Variants in PPARGC1A observed in about 807,000 individuals in gnomAD.
PPARGC1A encodes peroxisome proliferator-activated receptor gamma coactivator 1-alpha.
PPARGC1A carries 25 observed loss-of-function variants against 88.7 expected under a neutral mutation model. That is an observed-to-expected ratio of 0.28 (90% CI 0.21 to 0.39). The LOEUF is 0.39. PPARGC1A is among the 10% of genes least tolerant of loss of function. The pLI is 1.00. For missense variants in PPARGC1A, 880 were observed against 968.7 expected (o/e 0.91, Z 1.22); for synonymous variants, 363 against 355.6 (o/e 1.02, Z -0.24).
At chr4:24,325,677 T>C in the PPARGC1A span, among the ~76,000 whole-genome samples, 2 of 152,218 alleles carry the variant, frequency 1.3e-5, no homozygotes, top group African/African-American at 2.4e-5. Flanking sequence ...GGCTGAAGAC[T>C]GACGCTGCCC....
At chr4:24,345,766 C>T in the PPARGC1A span, among the ~76,000 whole-genome samples, 3 of 152,188 alleles carry the variant, frequency 2.0e-5, no homozygotes, top group African/African-American at 7.2e-5. Flanking sequence ...TTCGGATGTC[C>T]TTTATTTCTT....
upstream of PPARGC1A, among the ~76,000 whole-genome samples, chr4:23,907,615 AC>A (rs1720202603): frequency 6.6e-6 from 1 of 152,198 alleles, no homozygotes; most frequent in Non-Finnish European, 1.5e-5. Flanking sequence ...TGGGGATAAT[AC>A]CTACCTCACA....
chr4:24,272,457 C>G, the PPARGC1A span, among the ~76,000 whole-genome samples: 1 of 152,124 alleles, frequency 6.6e-6, no homozygotes, highest in Non-Finnish European at 1.5e-5. Context: ...GTCATACCCC[C>G]CTGACTTACC....
the PPARGC1A span, among the ~76,000 whole-genome samples, chr4:24,170,412 C>T: frequency 6.6e-6 from 1 of 152,080 alleles, no homozygotes; most frequent in Admixed American, 6.6e-5. Flanking sequence ...ATTTTCCCTC[C>T]TACCTATATA....
At chr4:23,914,335 T>C in the PPARGC1A span, among the ~76,000 whole-genome samples, 1 of 152,236 alleles carries the variant, frequency 6.6e-6, no homozygotes, top group East Asian at 1.9e-4. Context: ...TACATTCACA[T>C]ACTGCCTTTT....
At chr4:24,196,850 T>A in the PPARGC1A span, among the ~76,000 whole-genome samples, 3 of 152,240 alleles carry the variant, frequency 2.0e-5, no homozygotes, top group Non-Finnish European at 4.4e-5. Flanking sequence ...GAAGGATTTA[T>A]CCTACAACAT....
chr4:24,391,168 G>A, the PPARGC1A span, among the ~76,000 whole-genome samples: 1 of 151,980 alleles, frequency 6.6e-6, no homozygotes, highest in Non-Finnish European at 1.5e-5. Context: ...ATTGTATTTT[G>A]AAATCATTTT....
At chr4:24,075,235 C>T in the PPARGC1A span, among the ~76,000 whole-genome samples, 1 of 152,126 alleles carries the variant, frequency 6.6e-6, no homozygotes, top group Non-Finnish European at 1.5e-5. Flanking sequence ...ACATGGGTTT[C>T]AAATGGTAGA....
rs2109295935 is a variant in PPARGC1A at position 23,795,172 on chromosome 4, C to A, written c.*650G>T. On this transcript the variant is annotated 3_prime_UTR_variant, in exon 13 of 13. Transcript: ENST00000264867. ...GAAAGCTTGCTTCAAGTTGATTCTGCACTTTCTTAAAAAAACAGAGTACAA... is the reference window on the plus strand; with the variant it reads ...GAAAGCTTGCTTCAAGTTGATTCTGAACTTTCTTAAAAAAACAGAGTACAA... 1 of 151,580 alleles carries A rather than the reference C, an allele frequency of 6.6e-6. No homozygotes were observed. The highest frequency in any genetic ancestry group is 2.1e-4 in the South Asian group (1 of 4,768). 9.4% of individuals were successfully genotyped at this position (151,580 alleles called of 1,614,324 possible).
chr4:23,827,921 C>G (rs995704010), intron 5 of PPARGC1A, among the ~76,000 whole-genome samples: 6 of 151,948 alleles, frequency 3.9e-5, no homozygotes, highest in Non-Finnish European at 5.9e-5. Flanking sequence ...GAAGAAAGAA[C>G]AAGAAGAATT....
chr4:23,979,912 CCTCT>C, the PPARGC1A span, among the ~76,000 whole-genome samples: 1 of 152,076 alleles, frequency 6.6e-6, no homozygotes, highest in African/African-American at 2.4e-5. Flanking sequence ...GAGAACCATC[CCTCT>C]CTCTATGAAC....
At chr4:24,389,197 G>C in the PPARGC1A span, among the ~76,000 whole-genome samples, 5 of 152,012 alleles carry the variant, frequency 3.3e-5, no homozygotes, top group Non-Finnish European at 5.9e-5. Flanking sequence ...CTACCCCTGA[G>C]GTAGAGTTGG....
chr4:24,096,226 T>C, the PPARGC1A span, among the ~76,000 whole-genome samples: 1 of 152,316 alleles, frequency 6.6e-6, no homozygotes, highest in Non-Finnish European at 1.5e-5. Context: ...TCCACCATGA[T>C]TATAAATTTC....
chr4:24,370,239 TA>T, the PPARGC1A span, among the ~76,000 whole-genome samples: 5 of 151,910 alleles, frequency 3.3e-5, no homozygotes, highest in African/African-American at 9.6e-5. Context: ...TTCCAGAGGT[TA>T]AAAAAAAGTG....
chr4:24,256,996 T>C, the PPARGC1A span, among the ~76,000 whole-genome samples: 2 of 152,182 alleles, frequency 1.3e-5, no homozygotes, highest in African/African-American at 4.8e-5. Context: ...AAAAGACCAC[T>C]GTAGGGAGAT....
Position 23,793,652 on chromosome 4 carries a change from T to TA in PPARGC1A, c.*2169dup, listed in dbSNP as rs1468697155. 6.6e-6 allele frequency: 1 copy of TA among 152,164 alleles called. No homozygotes were observed. Among genetic ancestry groups the TA allele is most frequent in the African/African-American group, 2.4e-5 (1 of 41,446 alleles). The allele number at this position is 152,164 out of a possible 1,614,324, so 9.4% of individuals were successfully genotyped here. ...AAACTTGAATACACACTCCAAATGT[T>TA]ACTGAATTCCATTCCAGGGACTCCA... is the stretch of plus-strand genomic sequence containing the variant. On this transcript the variant is annotated 3_prime_UTR_variant, in exon 13 of 13. Transcript: ENST00000264867.
chr4:24,059,190 G>T, the PPARGC1A span, among the ~76,000 whole-genome samples: 2 of 152,166 alleles, frequency 1.3e-5, no homozygotes, highest in African/African-American at 2.4e-5. Context: ...CATTCATAAT[G>T]ATTTACCAAA....
At chr4:24,156,273 T>C in the PPARGC1A span, among the ~76,000 whole-genome samples, 1 of 152,180 alleles carries the variant, frequency 6.6e-6, no homozygotes, top group Admixed American at 6.5e-5. Flanking sequence ...ATATTCCAAT[T>C]AACATATCCA....
At chr4:24,448,465 T>C in the PPARGC1A span, among the ~76,000 whole-genome samples, 3 of 152,236 alleles carry the variant, frequency 2.0e-5, no homozygotes, top group African/African-American at 7.2e-5. Flanking sequence ...GTCAGAGTGA[T>C]CTTTGAAAAA....
Sources: gnomAD v4.1 joint callset for allele counts (sites outside exome capture counted in the v4.1 genomes callset) on GRCh38, gnomAD v4.1.1 for gene constraint, MANE v1.5 for transcripts, NCBI Gene and HGNC (gene_info 2026-07-23, HGNC 2026-07-21) for gene names.